CNBD1: variants seen among roughly 807,000 people sequenced by gnomAD.
CNBD1 encodes cyclic nucleotide-binding domain-containing protein 1.
CNBD1 carries 71 observed loss-of-function variants against 54.4 expected under a neutral mutation model. The observed-to-expected ratio is 1.30, with a 90% CI of 1.08 to 1.59. The LOEUF (loss-of-function observed/expected upper bound fraction) is 1.59, where lower values mean the gene tolerates loss of function less well. Among genes scored for constraint, CNBD1 ranks in the 40% most tolerant of loss-of-function variants. CNBD1 has a pLI of 0.00. For synonymous variants in CNBD1, 182 were observed against 170.7 expected, an observed-to-expected ratio of 1.07 and a Z score of -0.51; for missense variants, 659 against 518.0, an observed-to-expected ratio of 1.27 and a Z score of -2.64.
chr8:87,038,212 CT>C (rs1208474673), intron 4 of CNBD1, among the ~76,000 whole-genome samples: 1 of 152,172 alleles, frequency 6.6e-6, no homozygotes, highest in East Asian at 1.9e-4. Flanking sequence ...CTTTAGAGAA[CT>C]AATATTTAGG....
chr8:87,424,581 C>A (rs71525096), intron 2 of CNBD1, among the ~76,000 whole-genome samples: 9 of 152,084 alleles, frequency 5.9e-5, no homozygotes, highest in Admixed American at 5.9e-4. Context: ...TGTAGTTGCG[C>A]GTTTTTGCTG....
chr8:86,978,620 G>A (rs1201227576), intron 4 of CNBD1, among the ~76,000 whole-genome samples: 1 of 133,508 alleles, frequency 7.5e-6, no homozygotes, highest in Non-Finnish European at 1.5e-5. Flanking sequence ...TTGGCTCACT[G>A]CAACCTCCGC....
At chr8:87,096,517 T>C (rs1285285987) in intron 4 of CNBD1, among the ~76,000 whole-genome samples, 1 of 152,124 alleles carries the variant, frequency 6.6e-6, no homozygotes, top group Admixed American at 6.5e-5. Context: ...TAGTGGGGAA[T>C]TGAAGAATTT....
intron 5 of CNBD1, among the ~76,000 whole-genome samples, chr8:87,234,661 C>G (rs1004691529): frequency 2.6e-5 from 4 of 152,096 alleles, no homozygotes; most frequent in Non-Finnish European, 1.5e-5. Context: ...TTATAGAGCA[C>G]AGGCAGAGTA....
chr8:86,935,783 CTTTCTT>C (rs1296367210), intron 3 of CNBD1, among the ~76,000 whole-genome samples: 1 of 151,570 alleles, frequency 6.6e-6, no homozygotes, highest in African/African-American at 2.4e-5. Context: ...ATAACTTACT[CTTTCTT>C]TTTCTCATTT....
chr8:87,063,857 G>T (rs1258891992), intron 4 of CNBD1, among the ~76,000 whole-genome samples: 1 of 151,686 alleles, frequency 6.6e-6, no homozygotes, highest in Non-Finnish European at 1.5e-5. Flanking sequence ...TTTATATTTT[G>T]ATGCTATTAT....
intron 4 of CNBD1, among the ~76,000 whole-genome samples, chr8:87,003,701 A>G (rs113897526): frequency 5.9e-5 from 9 of 152,190 alleles, no homozygotes; most frequent in Non-Finnish European, 1.2e-4. Flanking sequence ...AATAACAAAA[A>G]GTTAGCCAAC....
intron 4 of CNBD1, among the ~76,000 whole-genome samples, chr8:87,010,713 G>A (rs1166611414): frequency 6.6e-6 from 1 of 152,102 alleles, no homozygotes; most frequent in Non-Finnish European, 1.5e-5. Flanking sequence ...CCACTACACT[G>A]CAGCCTGGGC....
intron 4 of CNBD1, among the ~76,000 whole-genome samples, chr8:87,190,221 C>A (rs1414407165): frequency 6.6e-6 from 1 of 152,148 alleles, no homozygotes; most frequent in Non-Finnish European, 1.5e-5. Flanking sequence ...TGAATATGTT[C>A]ATGTACCCCC....
intron 4 of CNBD1, among the ~76,000 whole-genome samples, chr8:87,153,595 G>T (rs1210875862): frequency 6.6e-6 from 1 of 152,128 alleles, no homozygotes; most frequent in Non-Finnish European, 1.5e-5. Context: ...TTTAATAAAT[G>T]TCACGAAATT....
chr8:87,171,951 G>A (rs937128865), intron 4 of CNBD1, among the ~76,000 whole-genome samples: 6 of 151,940 alleles, frequency 3.9e-5, no homozygotes, highest in East Asian at 1.9e-4. Flanking sequence ...GATTTTCTTC[G>A]CTTTTGACTT....
At chr8:86,868,771 A>G (rs891189883) in intron 1 of CNBD1, among the ~76,000 whole-genome samples, 1 of 152,184 alleles carries the variant, frequency 6.6e-6, no homozygotes, top group South Asian at 2.1e-4. Context: ...TCCCAGTGAT[A>G]TCCATGCCTT....
intron 10 of CNBD1, among the ~76,000 whole-genome samples, chr8:87,379,935 A>C (rs1811040145): frequency 6.6e-6 from 1 of 151,982 alleles, no homozygotes; most frequent in South Asian, 2.1e-4. Context: ...CAAATGATTT[A>C]CCAGAAACCA....
rs572420508 is a variant in CNBD1, at chr8:86,941,537, G to A, written c.431+1783G>A. Among the ~76,000 whole-genome samples the A allele has an allele frequency of 1.8e-4, 27 of 152,232 alleles. No individual in the cohort carries two copies. In the South Asian group the frequency reaches 5.4e-3, roughly 30 times the overall value. ...GGTAATTCCTGTCTTTTTTACTATA[G>A]TGAGATAGCAGTTTCCAGATAACAA... On this transcript the variant is annotated intron_variant, in intron 4 of 10. Coordinates refer to ENST00000518476, the MANE Select transcript of CNBD1 (RefSeq NM_173538.3).
chr8:87,261,982 CAAAA>C, intron 6 of CNBD1, among the ~76,000 whole-genome samples: 1 of 128,566 alleles, frequency 7.8e-6, no homozygotes, highest in Middle Eastern at 3.8e-3. Flanking sequence ...TCTGTCTTTA[CAAAA>C]AAAAAAAAAA....
intron 8 of CNBD1, among the ~76,000 whole-genome samples, chr8:87,300,773 G>T (rs1455150800): frequency 6.6e-6 from 1 of 151,910 alleles, no homozygotes; most frequent in Non-Finnish European, 1.5e-5. Flanking sequence ...TTTTAGTATG[G>T]TTCCACTGAT....
intron 4 of CNBD1, among the ~76,000 whole-genome samples, chr8:87,091,731 C>A (rs1811206316): frequency 6.6e-6 from 1 of 152,076 alleles, no homozygotes. Context: ...TGTTTACTAG[C>A]AGAATAGTTA....
intron 4 of CNBD1, among the ~76,000 whole-genome samples, chr8:87,021,071 C>A (rs537283093): frequency 1.6e-4 from 25 of 152,312 alleles, no homozygotes; most frequent in Admixed American, 2.0e-4. Context: ...CTTTCTAAAC[C>A]AAACCAGTGT....
intron 4 of CNBD1, among the ~76,000 whole-genome samples, chr8:87,028,504 A>C (rs190572293): frequency 2.6e-5 from 4 of 152,334 alleles, no homozygotes; most frequent in East Asian, 3.9e-4. Context: ...TGAGACAATA[A>C]GTATTGCCAA....
Sources: allele counts gnomAD v4.1 joint callset (sites outside exome capture counted in the v4.1 genomes callset), GRCh38; gene constraint gnomAD v4.1.1; transcripts MANE v1.5; gene names NCBI Gene and HGNC (gene_info 2026-07-23, HGNC 2026-07-21).